Variants in MTFR1 observed in about 807,000 individuals in gnomAD.
MTFR1 encodes mitochondrial fission regulator 1, also known as chondrocyte protein with a poly-proline region.
In MTFR1, 28 loss-of-function variants were observed where a neutral mutation model predicts 38.8. That is an observed-to-expected ratio of 0.72 (90% confidence interval 0.53 to 0.99). The LOEUF (loss-of-function observed/expected upper bound fraction) is 0.99, where lower values mean the gene tolerates loss of function less well. Among genes scored for constraint, MTFR1 ranks in the 50% least tolerant of loss-of-function variants. The pLI is 0.00. For missense variants in MTFR1, 358 were observed against 395.5 expected, an observed-to-expected ratio of 0.91 and a Z score of 0.81; for synonymous variants, 145 against 137.0, an observed-to-expected ratio of 1.06 and a Z score of -0.41.
chr8:65,769,926 C>A (rs1299259771), intron 3 of MTFR1, among the ~76,000 whole-genome samples: 1 of 151,994 alleles, frequency 6.6e-6, no homozygotes, highest in African/African-American at 2.4e-5. Context: ...AGAAAAACCC[C>A]ACAAATATGT....
the MTFR1 span, among the ~76,000 whole-genome samples, chr8:65,778,492 G>C: frequency 6.6e-6 from 1 of 152,094 alleles, no homozygotes; most frequent in African/African-American, 2.4e-5. Context: ...TCCAATCAAA[G>C]ACCAAGACAC....
At chr8:65,652,865 G>A (rs2129047521) in intron 1 of MTFR1, among the ~76,000 whole-genome samples, 1 of 152,264 alleles carries the variant, frequency 6.6e-6, no homozygotes, top group South Asian at 2.1e-4. Context: ...TCTCTTGCCT[G>A]ATTGCTCTAG....
chr8:65,774,365 C>T (rs1008467484), downstream of MTFR1, among the ~76,000 whole-genome samples: 3 of 151,832 alleles, frequency 2.0e-5, no homozygotes, highest in African/African-American at 7.3e-5. Flanking sequence ...TGAATGGTTC[C>T]CTCTTTATAA....
At chr8:65,772,567 G>A (rs1197172996), downstream of MTFR1, among the ~76,000 whole-genome samples, 2 of 152,158 alleles carry the variant, frequency 1.3e-5, no homozygotes, top group Non-Finnish European at 2.9e-5. Flanking sequence ...ATAAACTACT[G>A]ATATCTTCAA....
downstream of MTFR1, among the ~76,000 whole-genome samples, chr8:65,710,727 C>T (rs1029188506): frequency 6.6e-6 from 1 of 151,996 alleles, no homozygotes; most frequent in Non-Finnish European, 1.5e-5. Flanking sequence ...AAAGAGATCT[C>T]AGCATTAAAA....
chr8:65,660,256 A>G (rs1187340311), intron 1 of MTFR1, among the ~76,000 whole-genome samples: 3 of 141,076 alleles, frequency 2.1e-5, no homozygotes, highest in African/African-American at 8.0e-5. Flanking sequence ...ATGCCATTGT[A>G]CTCCAGCCTG....
chr8:65,729,534 T>C lies in MTFR1; in HGVS notation c.*48+10053T>C, dbSNP rs557821807. Among the ~76,000 whole-genome samples the C allele has an allele frequency of 3.9e-5, 6 of 152,124 alleles. No individual in the cohort carries two copies. The East Asian group carries it at 1.2e-3, about 29-fold the overall frequency. ...TAAAATGTCCTGAATCAGTATTGTATTTTTATTTTTCCTAATGATGCTACC... is the reference window on the plus strand; with the variant it reads ...TAAAATGTCCTGAATCAGTATTGTACTTTTATTTTTCCTAATGATGCTACC... On this transcript the variant is annotated intron_variant, in intron 3 of 3. Transcript: ENST00000521247.
chr8:65,707,285 C>T (rs1234438531), intron 6 of MTFR1, 29 bp downstream of exon 6: 1 of 1,594,372 alleles, frequency 6.3e-7, no homozygotes, highest in South Asian at 1.1e-5. Flanking sequence ...TCTTTCTTCC[C>T]CATTTGTTTG....
chr8:65,706,851 A>G (rs1054783180), intron 5 of MTFR1, among the ~76,000 whole-genome samples, 159 bp from the exon 6 acceptor site: 4 of 152,236 alleles, frequency 2.6e-5, no homozygotes, highest in African/African-American at 9.6e-5. Context: ...GGCATTTCTC[A>G]TGAAGTAACT....
At chr8:65,738,631 C>T (rs76878689) in intron 3 of MTFR1, among the ~76,000 whole-genome samples, 2,976 of 152,120 alleles carry the variant, frequency 0.02, 29 homozygotes, top group African/African-American at 0.024. Flanking sequence ...GGGGTATTTG[C>T]CATGTTGGCC....
intron 1 of MTFR1, among the ~76,000 whole-genome samples, chr8:65,656,565 G>A (rs1425261153): frequency 2.0e-5 from 3 of 146,996 alleles, no homozygotes; most frequent in African/African-American, 5.0e-5. Context: ...GCAATGGCGC[G>A]ATCTTGGCTC....
At position 65,686,868 on chromosome 8, in the gene MTFR1, G is replaced by C. The variant is rs142491753; in HGVS notation, c.165+4417G>C. Among the ~76,000 whole-genome samples, 106 of 151,356 alleles carry C rather than the reference G, an allele frequency of 7.0e-4. 1 individual carries two copies. In the East Asian group the frequency reaches 0.017, roughly 24 times the overall value. On this transcript the variant is annotated intron_variant, in intron 3 of 7. Transcript: ENST00000262146. ...GAACCCGGGAACTGGAGGTTGTAATGAGCCAAGATCACACCACTGCACTCC... is the reference window on the plus strand; with the variant it reads ...GAACCCGGGAACTGGAGGTTGTAATCAGCCAAGATCACACCACTGCACTCC...
chr8:65,686,244 T>A (rs1805067470), intron 3 of MTFR1, among the ~76,000 whole-genome samples: 1 of 152,214 alleles, frequency 6.6e-6, no homozygotes, highest in African/African-American at 2.4e-5. Flanking sequence ...TAAAGATTAC[T>A]GAATCCAGCA....
chr8:65,646,053 T>G (rs1035665811), intron 1 of MTFR1, among the ~76,000 whole-genome samples: 1 of 152,190 alleles, frequency 6.6e-6, no homozygotes, highest in Non-Finnish European at 1.5e-5. Flanking sequence ...GTGCTCAGGT[T>G]TTCAAAATCA....
chr8:65,746,401 G>T (rs934685174), intron 3 of MTFR1, among the ~76,000 whole-genome samples: 2 of 151,884 alleles, frequency 1.3e-5, no homozygotes. Context: ...TTGTTATTCA[G>T]TTTTTAAAAA....
At chr8:65,713,174 C>T (rs1252591394), downstream of MTFR1, among the ~76,000 whole-genome samples, 2 of 152,182 alleles carry the variant, frequency 1.3e-5, no homozygotes, top group Non-Finnish European at 2.9e-5. Flanking sequence ...AGTGCCGTGG[C>T]TCACGCCTAT....
At chr8:65,663,796 C>T in intron 1 of MTFR1, among the ~76,000 whole-genome samples, 2 of 120,156 alleles carry the variant, frequency 1.7e-5, no homozygotes, top group Non-Finnish European at 3.5e-5. Context: ...CCCTTCTCTT[C>T]TTCCTTCTTT....
intron 1 of MTFR1, among the ~76,000 whole-genome samples, chr8:65,663,069 G>C (rs1315312716): frequency 1.3e-5 from 2 of 152,202 alleles, no homozygotes; most frequent in African/African-American, 4.8e-5. Context: ...GATGACAATG[G>C]CGGTTTTGTG....
At chr8:65,732,372 C>T (rs189926240) in intron 3 of MTFR1, among the ~76,000 whole-genome samples, 7 of 152,254 alleles carry the variant, frequency 4.6e-5, no homozygotes, top group East Asian at 1.9e-4. Context: ...AGGATGTACA[C>T]TTCATGAAGA....
Sources: gnomAD v4.1 joint callset for allele counts (sites outside exome capture counted in the v4.1 genomes callset) on GRCh38, gnomAD v4.1.1 for gene constraint, MANE v1.5 for transcripts, NCBI Gene and HGNC (gene_info 2026-07-23, HGNC 2026-07-21) for gene names.